FARP2: variants seen among roughly 807,000 people sequenced by gnomAD.
FARP2 encodes the protein FERM, ARH/RhoGEF and pleckstrin domain protein 2.
Under a neutral mutation model 130.5 loss-of-function variants are expected in FARP2, and 111 were observed. The observed-to-expected ratio is 0.85, with a 90% CI of 0.73 to 1.00. The LOEUF (loss-of-function observed/expected upper bound fraction) is 1.00, where lower values mean the gene tolerates loss of function less well. Ranked by LOEUF, FARP2 falls within the 50% of genes least tolerant of loss-of-function variation. The pLI, the probability that FARP2 is intolerant of heterozygous loss-of-function variation, is 0.00. For missense variants in FARP2, 1,385 were observed against 1,346.3 expected, an observed-to-expected ratio of 1.03 and a Z score of -0.45; for synonymous variants, 504 against 516.9, an observed-to-expected ratio of 0.98 and a Z score of 0.34.
At chr2:241,470,851 C>G (rs1477436302) in intron 18 of FARP2, among the ~76,000 whole-genome samples, 1 of 151,202 alleles carries the variant, frequency 6.6e-6, no homozygotes, top group East Asian at 2.0e-4. Flanking sequence ...TCAGGGGACC[C>G]TGTTCTGAAG....
chr2:241,410,650 G>T lies in FARP2; in HGVS notation c.411-383G>T, dbSNP rs1234116781. On this transcript the variant is annotated intron_variant, in intron 5 of 26. Coordinates refer to ENST00000264042, the MANE Select transcript of FARP2 (RefSeq NM_014808.4). ...TCACAGTGTTGGTCAGGCTGGTCTC[G>T]AACTCCTGACCTCAGGTGATCCACC... 2.6e-5 allele frequency among the ~76,000 whole-genome samples: 4 copies of T among 152,102 alleles called. No individual in the cohort carries two copies. The East Asian group carries it at 7.8e-4, about 29-fold the overall frequency.
chr2:241,479,109 G>T, intron 19 of FARP2: 1 of 452,756 alleles, frequency 2.2e-6, no homozygotes, highest in Non-Finnish European at 3.9e-6. Flanking sequence ...TTTTTCTAGA[G>T]ATCTGGGTGT....
chr2:241,445,134 G>A (rs2063482885), intron 13 of FARP2: 1 of 148,696 alleles, frequency 6.7e-6, no homozygotes, highest in African/African-American at 2.5e-5. Flanking sequence ...TTCTCTTCAT[G>A]TTGCCCAGGA....
chr2:241,403,519 C>T (rs571322509), intron 2 of FARP2, among the ~76,000 whole-genome samples: 13 of 151,964 alleles, frequency 8.6e-5, no homozygotes, highest in Admixed American at 2.6e-4. Context: ...GTGTAAATAT[C>T]GAAATTATTT....
intron 25 of FARP2, 56 bp downstream of exon 25, chr2:241,493,092 C>T (rs2064989474): frequency 6.1e-6 from 7 of 1,147,834 alleles, no homozygotes; most frequent in Non-Finnish European, 7.9e-6. Context: ...AGACACTTAA[C>T]CCTGCTCACC....
At chr2:241,460,837 A>G (rs1203388470) in intron 14 of FARP2, among the ~76,000 whole-genome samples, 3 of 152,170 alleles carry the variant, frequency 2.0e-5, no homozygotes, top group Non-Finnish European at 4.4e-5. Flanking sequence ...CATGGGGAAG[A>G]GCTGAGAGAA....
intron 2 of FARP2, among the ~76,000 whole-genome samples, chr2:241,394,386 C>T (rs141571395): frequency 4.6e-4 from 70 of 152,058 alleles, no homozygotes; most frequent in African/African-American, 1.5e-3. Flanking sequence ...GGCGTGATGG[C>T]GGGCACCTGT....
At position 241,483,474 on chromosome 2, in the gene FARP2, C is replaced by T. The variant is rs371225959; in HGVS notation, c.2272C>T (p.Arg758Cys). 8 of 1,614,096 alleles carry T rather than the reference C, an allele frequency of 5.0e-6. No individual in the cohort carries two copies. Among genetic ancestry groups the T allele is most frequent in the South Asian group, 4.4e-5 (4 of 91,092 alleles). ...TGTCTCTGTCTTTCAGGAGTTCATC[C>T]GTGAGGGCTGCCTTCACAAGCTCAC... is the stretch of plus-strand genomic sequence containing the variant. ...NLIAPGREFIREGCLHKLTKK... is the reference protein window; with the variant it reads ...NLIAPGREFICEGCLHKLTKK... The change falls in exon 20 of 27, where the codon CGT becomes TGT. Residue 758 changes from arginine to cysteine, a missense_variant. Physicochemically the swap from Arg to Cys is radical, Grantham distance 180 (BLOSUM62 -3). Coordinates refer to ENST00000264042, the MANE Select transcript of FARP2 (RefSeq NM_014808.4).
chr2:241,397,936 TCTC>T (rs2062071185), intron 2 of FARP2, among the ~76,000 whole-genome samples: 1 of 151,126 alleles, frequency 6.6e-6, no homozygotes, highest in South Asian at 2.1e-4. Flanking sequence ...TTCACACCAT[TCTC>T]CTACCTCAGC....
chr2:241,414,042 G>A (rs2062600033), intron 7 of FARP2, among the ~76,000 whole-genome samples: 1 of 152,106 alleles, frequency 6.6e-6, no homozygotes, highest in African/African-American at 2.4e-5. Flanking sequence ...AGCTGCTGCA[G>A]TGTCTCTGCA....
intron 18 of FARP2, among the ~76,000 whole-genome samples, chr2:241,471,684 A>G (rs1342207576): frequency 6.6e-6 from 1 of 151,068 alleles, no homozygotes; most frequent in African/African-American, 2.4e-5. Flanking sequence ...TTTAATAGAG[A>G]CGGGGTTTCA....
rs1207175462 is a variant in FARP2 at position 241,459,906 on chromosome 2, C to G, written c.1588-2617C>G. Among the ~76,000 whole-genome samples, 1 of 152,160 alleles carries G rather than the reference C, an allele frequency of 6.6e-6. No individual in the cohort carries two copies. Among genetic ancestry groups the G allele is most frequent in the Non-Finnish European group, 1.5e-5 (1 of 68,012 alleles). ...ACTCCCCTGTGACCCACTGGTGGCACCTGTGATGAGAAGTCTCATCAGCGA... is the reference window on the plus strand; with the variant it reads ...ACTCCCCTGTGACCCACTGGTGGCAGCTGTGATGAGAAGTCTCATCAGCGA... On this transcript the variant is annotated intron_variant, in intron 14 of 26. Transcript: ENST00000264042. The surrounding 1 kb of genome is among the most constrained non-coding windows in gnomAD (Gnocchi z 5.3).
At chr2:241,363,741 C>T (rs1575448617) in intron 1 of FARP2, among the ~76,000 whole-genome samples, 1 of 152,208 alleles carries the variant, frequency 6.6e-6, no homozygotes, top group East Asian at 1.9e-4. Flanking sequence ...CTACAGAAGG[C>T]TGGTCAGGAC....
At chr2:241,409,038 T>TAGATA (rs1553715970) in intron 5 of FARP2, among the ~76,000 whole-genome samples, 19 of 145,930 alleles carry the variant, frequency 1.3e-4, no homozygotes, top group Non-Finnish European at 2.7e-4. Flanking sequence ...GATAGATAGA[T>TAGATA]GATAGATAGA....
rs544808213 is a variant in FARP2 at position 241,494,698 on chromosome 2, A to G, written c.*573A>G. 6.6e-6 allele frequency: 1 copy of G among 152,348 alleles called. No homozygotes were observed. The highest frequency in any genetic ancestry group is 1.5e-5 in the Non-Finnish European group (1 of 68,034). The allele number at this position is 152,348 out of a possible 1,614,324, so 9.4% of individuals were successfully genotyped here. On this transcript the variant is annotated 3_prime_UTR_variant, in exon 27 of 27. Transcript: ENST00000264042. The surrounding 1 kb of genome is among the most constrained non-coding windows in gnomAD (Gnocchi z 4.9). The stretch of plus-strand genomic sequence containing the variant: ...CTTGTTCCCCATGTACCTCTAGAGA[A>G]GCAGAAACCAAAGTCCCCCTGTGCC...
In FARP2 at chr2:241,418,127, G is replaced by A. The variant is rs199913122; in HGVS notation, c.771+18G>A. 7.8e-4 allele frequency: 1,252 copies of A among 1,614,144 alleles called. 1 individual carries two copies. Among genetic ancestry groups the A allele is most frequent in the Middle Eastern group, 3.3e-3 (20 of 6,062 alleles). On this transcript the variant is annotated intron_variant, in intron 8 of 26. Coordinates refer to ENST00000264042, the MANE Select transcript of FARP2 (RefSeq NM_014808.4). ...TGTTCCAGGTAGGCCAGTGGGGAAG[G>A]GAGGGGTGAGAACAGGGCAGGGGAG...
At chr2:241,489,795 G>A (rs2064848840) in intron 21 of FARP2, 167 bp from the exon 22 acceptor site, 2 of 569,904 alleles carry the variant, frequency 3.5e-6, no homozygotes, top group African/African-American at 3.8e-5. Context: ...CATGGCGCAG[G>A]GATACCAGTG....
chr2:241,438,908 C>T (rs1189989617), intron 12 of FARP2, among the ~76,000 whole-genome samples: 4 of 152,054 alleles, frequency 2.6e-5, no homozygotes, highest in African/African-American at 7.2e-5. Flanking sequence ...GGATTACAGG[C>T]GTGAGCCACC....
chr2:241,484,674 G>A (rs2064708787), intron 21 of FARP2, among the ~76,000 whole-genome samples: 1 of 152,210 alleles, frequency 6.6e-6, no homozygotes, highest in Non-Finnish European at 1.5e-5. Flanking sequence ...TCCTCAGGCT[G>A]TGCCACCTGT....
Sources: gnomAD v4.1 joint callset for allele counts (sites outside exome capture counted in the v4.1 genomes callset) on GRCh38, gnomAD v4.1.1 for gene constraint, Gnocchi (gnomAD v3.1) non-coding constraint, MANE v1.5 for transcripts, NCBI Gene and HGNC (gene_info 2026-07-23, HGNC 2026-07-21) for gene names.